NSMCE2: variants seen among roughly 807,000 people sequenced by gnomAD.
NSMCE2 encodes E3 SUMO-protein ligase NSE2.
In NSMCE2, 24 loss-of-function variants were observed where a neutral mutation model predicts 23.8. The observed-to-expected ratio is 1.01, with a 90% CI of 0.73 to 1.42. NSMCE2 has a LOEUF of 1.42. Ranked by LOEUF, NSMCE2 falls within the 40% of genes most tolerant of loss-of-function variation. NSMCE2 has a pLI of 0.00. For synonymous variants in NSMCE2, 92 were observed against 94.1 expected (o/e 0.98, Z 0.13); for missense variants, 284 against 296.5 (o/e 0.96, Z 0.31).
chr8:125,260,292 A>G lies in NSMCE2; in HGVS notation c.418+78036A>G, dbSNP rs193173382. On this transcript the variant is annotated intron_variant, in intron 5 of 7. Transcript: ENST00000287437. ...AGTCACTAGTGTTAGCCCAGTATAA[A>G]AATGTGTTTTTCAGAATGGAATCAG... is the stretch of plus-strand genomic sequence containing the variant. Among the ~76,000 whole-genome samples, 15 of 152,286 alleles carry G rather than the reference A, an allele frequency of 9.8e-5. No homozygotes were observed. In the East Asian group the frequency reaches 2.7e-3, roughly 27 times the overall value.
At chr8:125,284,241 A>T (rs1311147762) in intron 5 of NSMCE2, among the ~76,000 whole-genome samples, 3 of 150,980 alleles carry the variant, frequency 2.0e-5, no homozygotes, top group Non-Finnish European at 2.9e-5. Context: ...CCACTTTGTT[A>T]AAAAAAATAC....
chr8:125,222,281 C>T (rs1265970338), intron 5 of NSMCE2, among the ~76,000 whole-genome samples: 2 of 151,944 alleles, frequency 1.3e-5, no homozygotes, highest in Non-Finnish European at 2.9e-5. Flanking sequence ...TTATGGAATA[C>T]AGCGTGTTTT....
chr8:125,128,044 T>G (rs1819595412), intron 3 of NSMCE2, among the ~76,000 whole-genome samples: 1 of 152,178 alleles, frequency 6.6e-6, no homozygotes, highest in Non-Finnish European at 1.5e-5. Context: ...ATGCTCACCT[T>G]TATTAGAAAT....
intron 5 of NSMCE2, among the ~76,000 whole-genome samples, chr8:125,345,029 TA>T (rs564327400): frequency 2.4e-3 from 324 of 133,048 alleles, no homozygotes; most frequent in Middle Eastern, 3.8e-3. Flanking sequence ...TCAACAAACT[TA>T]AAAAAAAAAA....
At chr8:125,244,660 G>A (rs1032106561) in intron 5 of NSMCE2, among the ~76,000 whole-genome samples, 1 of 152,126 alleles carries the variant, frequency 6.6e-6, no homozygotes, top group Non-Finnish European at 1.5e-5. Context: ...TGAATTAGAG[G>A]CAAAAGTATT....
At chr8:125,217,714 G>A (rs1279542899) in intron 5 of NSMCE2, among the ~76,000 whole-genome samples, 1 of 152,102 alleles carries the variant, frequency 6.6e-6, no homozygotes. Context: ...AGGCTGGTTT[G>A]TGTGACTGTC....
At chr8:125,272,187 TGTATTTTTA>T (rs1827229650) in intron 5 of NSMCE2, among the ~76,000 whole-genome samples, 1 of 151,822 alleles carries the variant, frequency 6.6e-6, no homozygotes, top group Non-Finnish European at 1.5e-5. Context: ...CGAATTTTTT[TGTATTTTTA>T]GTAGAGACGG....
chr8:125,101,347 A>G (rs1818178936), intron 1 of NSMCE2, among the ~76,000 whole-genome samples: 1 of 152,236 alleles, frequency 6.6e-6, no homozygotes, highest in Admixed American at 6.5e-5. Flanking sequence ...TAGGAAGGGC[A>G]GAAGGGAAGG....
rs557438552 is a variant in NSMCE2 at position 125,092,989 on chromosome 8, A to G, written c.-111+1031A>G. 7.2e-5 allele frequency among the ~76,000 whole-genome samples: 11 copies of G among 152,340 alleles called. No individual in the cohort carries two copies. The South Asian group carries it at 2.3e-3, about 32-fold the overall frequency. On this transcript the variant is annotated intron_variant, in intron 1 of 7. Transcript: ENST00000287437. ...GATGCCAACCACAAAGTCTACAGATACTGCTAAATGTCCCCTTGCGAGAGG... is the reference window on the plus strand; with the variant it reads ...GATGCCAACCACAAAGTCTACAGATGCTGCTAAATGTCCCCTTGCGAGAGG...
intron 4 of NSMCE2, among the ~76,000 whole-genome samples, chr8:125,163,690 C>A (rs1223664190): frequency 6.6e-6 from 1 of 152,146 alleles, no homozygotes; most frequent in Non-Finnish European, 1.5e-5. Context: ...ATCTGAATGG[C>A]CACAAGACTG....
At chr8:125,190,394 T>C (rs934043011) in intron 5 of NSMCE2, among the ~76,000 whole-genome samples, 1 of 152,118 alleles carries the variant, frequency 6.6e-6, no homozygotes, top group African/African-American at 2.4e-5. Context: ...TAGTGAACAG[T>C]AGAACCAGAA....
intron 4 of NSMCE2, among the ~76,000 whole-genome samples, chr8:125,175,565 C>A (rs781562993): frequency 6.6e-6 from 1 of 152,116 alleles, no homozygotes; most frequent in Non-Finnish European, 1.5e-5. Flanking sequence ...TGGAGAAAGT[C>A]AATCTATCTG....
At chr8:125,311,820 T>A (rs1828981678) in intron 5 of NSMCE2, among the ~76,000 whole-genome samples, 2 of 152,214 alleles carry the variant, frequency 1.3e-5, no homozygotes, top group African/African-American at 2.4e-5. Context: ...GGCTCACGCC[T>A]GTAATCCCAG....
At position 125,182,147 on chromosome 8, in the gene NSMCE2, G is replaced by T; in HGVS notation, c.309G>T (p.Leu103Phe). Residue 103 changes from leucine to phenylalanine, a missense_variant, in exon 5 of 8, where the codon TTG becomes TTT. Physicochemically the swap from Leu to Phe is conservative, Grantham distance 22 (BLOSUM62 0). Around this residue, in one of 2 missense-constraint regions of NSMCE2, gnomAD observed 182 missense variants for 155.5 expected, o/e 1.17. Transcript: ENST00000287437. ...RPEKIPDLKL[L>F]VEKKFLALQS... ...AAAAAATACCAGATTTAAAATTATT[G>T]GTAGAGAAGAAATTTTTGGCTTTAC... The T allele has an allele frequency of 1.2e-6, 2 of 1,602,440 alleles. No individual in the cohort carries two copies. The highest frequency in any genetic ancestry group is 8.5e-7 in the Non-Finnish European group (1 of 1,175,138).
At chr8:125,207,021 A>G (rs1240544388) in intron 5 of NSMCE2, among the ~76,000 whole-genome samples, 1 of 152,176 alleles carries the variant, frequency 6.6e-6, no homozygotes, top group Non-Finnish European at 1.5e-5. Context: ...TTTTAGTTGA[A>G]TTTCCTATTA....
chr8:125,104,092 G>A (rs576401701), intron 3 of NSMCE2, among the ~76,000 whole-genome samples: 3 of 151,574 alleles, frequency 2.0e-5, no homozygotes, highest in Admixed American at 2.0e-4. Context: ...CCGGGTTCAA[G>A]CGATTCTCCT....
At chr8:125,287,988 G>T (rs997359253) in intron 5 of NSMCE2, among the ~76,000 whole-genome samples, 2 of 152,044 alleles carry the variant, frequency 1.3e-5, no homozygotes, top group African/African-American at 4.8e-5. Context: ...AACTTTTTAG[G>T]ATTATCTCTG....
intron 3 of NSMCE2, among the ~76,000 whole-genome samples, chr8:125,118,408 G>C (rs1176085350): frequency 1.3e-5 from 2 of 151,220 alleles, no homozygotes; most frequent in Admixed American, 6.6e-5. Flanking sequence ...CACACACACA[G>C]AGATTGCTGG....
At chr8:125,167,589 C>T (rs1022643278) in intron 4 of NSMCE2, among the ~76,000 whole-genome samples, 4 of 151,578 alleles carry the variant, frequency 2.6e-5, no homozygotes, top group African/African-American at 7.3e-5. Context: ...GAGCTGAGAT[C>T]GTGCTACTGC....
Sources: allele counts gnomAD v4.1 joint callset (sites outside exome capture counted in the v4.1 genomes callset), GRCh38; gene constraint gnomAD v4.1.1; regional missense constraint gnomAD v4.1.1; transcripts MANE v1.5; gene names NCBI Gene and HGNC (gene_info 2026-07-23, HGNC 2026-07-21).